Variants in LAMA5 observed in about 807,000 individuals in gnomAD.
LAMA5 encodes the protein laminin subunit alpha 5.
LAMA5 carries 260 observed loss-of-function variants against 433.4 expected under a neutral mutation model. The observed-to-expected ratio is 0.60, with a 90% CI of 0.54 to 0.66. The LOEUF (loss-of-function observed/expected upper bound fraction) is 0.66. LAMA5 is among the 30% of genes least tolerant of loss of function. The probability of loss-of-function intolerance (pLI) is 0.00; values close to 1 mark genes in which losing one functional copy is unlikely to be tolerated. For synonymous variants in LAMA5, 2,620 were observed against 2,226.6 expected (o/e 1.18, Z -4.97); for missense variants, 5,378 against 5,258.5 (o/e 1.02, Z -0.70).
intron 76 of LAMA5, 39 bp downstream of exon 76, chr20:62,310,380 C>T: frequency 6.4e-7 from 1 of 1,574,328 alleles, no homozygotes; most frequent in Non-Finnish European, 8.6e-7. Flanking sequence ...AGCCCCCTGC[C>T]CTGCCCTGCT....
chr20:62,338,325 G>T lies in LAMA5; in HGVS notation c.1663C>A (p.Pro555Thr), dbSNP rs1223682489. 1.9e-6 allele frequency: 3 copies of T among 1,608,186 alleles called. No homozygotes were observed. Among genetic ancestry groups the T allele is most frequent in the African/African-American group, 1.3e-5 (1 of 74,982 alleles). The change falls in exon 13 of 80, where the codon CCT becomes ACT. Residue 555 changes from proline (P) to threonine (T), a missense_variant. By Grantham distance (38) the Pro-to-Thr change is conservative. Coordinates refer to ENST00000252999, the MANE Select transcript of LAMA5 (RefSeq NM_005560.6). ...CGGCACCTGCACTGGCCTGTGTCAGGGTCACAGCGGTCATCGGCCACTCCA... is the reference window on the plus strand; with the variant it reads ...CGGCACCTGCACTGGCCTGTGTCAGTGTCACAGCGGTCATCGGCCACTCCA... The part of the protein sequence containing the change: ...SPGVADDRCD[P>T]DTGQCRCRVG...
chr20:62,328,911 A>G lies in LAMA5; in HGVS notation c.4380T>C (p.His1460=), dbSNP rs1392292031. 6 of 1,611,642 alleles carry G rather than the reference A, an allele frequency of 3.7e-6. No homozygotes were observed. The highest frequency in any genetic ancestry group is 5.1e-6 in the Non-Finnish European group (6 of 1,179,314). Residue 1460 remains histidine, a synonymous_variant, in exon 34 of 80, where the codon CAT becomes CAC. Coordinates refer to ENST00000252999, the MANE Select transcript of LAMA5 (RefSeq NM_005560.6). ...CEPFGGQCPC[H]AHVIGRDCSR... is the part of the protein sequence containing the mutation. ...AGCAGTCACGGCCAATGACATGGGC[A>G]TGGCAGGGACACTGGCCCCCGAAGG...
intron 2 of LAMA5, among the ~76,000 whole-genome samples, chr20:62,358,391 G>A (rs1367601876): frequency 6.6e-6 from 1 of 152,184 alleles, no homozygotes; most frequent in Non-Finnish European, 1.5e-5. Context: ...TGTCCCGGCC[G>A]CCGAGCTCTG....
Position 62,312,786 on chromosome 20 carries a change from G to A in LAMA5, c.9079-6C>T. The A allele has an allele frequency of 6.3e-7, 1 of 1,593,034 alleles. No homozygotes were observed. The highest frequency in any genetic ancestry group is 8.5e-7 in the Non-Finnish European group (1 of 1,173,150). On this transcript the variant is annotated splice_region_variant and splice_polypyrimidine_tract_variant and intron_variant, in intron 66 of 79. Transcript: ENST00000252999. ...CCCAGCAGGAACACCTGGATCTACA[G>A]GACCAGTGGGGGCTCCAGGGCCAGC...
rs148367593 is a variant in LAMA5, at chr20:62,334,301, C to A, written c.2624G>T (p.Arg875Leu). 6.2e-7 allele frequency: 1 copy of A among 1,610,942 alleles called. No individual in the cohort carries two copies. Among genetic ancestry groups the A allele is most frequent in the African/African-American group, 1.3e-5 (1 of 75,016 alleles). Residue 875 changes from arginine to leucine, a missense_variant, in exon 22 of 80, where the codon CGC becomes CTC. Arg to Leu is a moderately radical substitution (Grantham distance 102). Transcript: ENST00000252999. ...TGTGGCAGCCTCCTCCAGCTCCAGG[C>A]GCAGGTGGTGCAGGTCCGGGAGGTA... ...DHYLPDLHHL[R>L]LELEEAATPE...
intron 1 of LAMA5, 56 bp downstream of exon 1, chr20:62,366,893 G>T: frequency 8.1e-7 from 1 of 1,233,566 alleles, no homozygotes; most frequent in Non-Finnish European, 1.0e-6. Flanking sequence ...GGTCGGGCCG[G>T]TGTTCCGGGT....
intron 69 of LAMA5, 53 bp downstream of exon 69, chr20:62,312,120 C>G: frequency 6.2e-7 from 1 of 1,609,706 alleles, no homozygotes; most frequent in Non-Finnish European, 8.5e-7. Flanking sequence ...CCAGTCCCAA[C>G]TGCTCCGACG....
Position 62,336,410 on chromosome 20 carries a change from C to G in LAMA5, c.2253G>C (p.Glu751Asp). 1 of 1,612,640 alleles carries G rather than the reference C, an allele frequency of 6.2e-7. No individual in the cohort carries two copies. The highest frequency in any genetic ancestry group is 2.2e-5 in the East Asian group (1 of 44,882). ...GTTTGCAGCGGTCACAGCTCGGCCC[C>G]TCCACGTGAGCCCGGCACATACAGG... Reference protein sequence around the residue: ...QVPCMCRAHVEGPSCDRCKPG... With the variant: ...QVPCMCRAHVDGPSCDRCKPG... Residue 751 changes from glutamate to aspartate, a missense_variant, in exon 18 of 80, where the codon GAG becomes GAC. Glu to Asp is a conservative substitution (Grantham distance 45, BLOSUM62 2). Transcript: ENST00000252999.
intron 63 of LAMA5, 48 bp downstream of exon 63, chr20:62,313,601 C>A (rs950643849): frequency 1.2e-6 from 2 of 1,604,252 alleles, no homozygotes; most frequent in Non-Finnish European, 8.5e-7. Context: ...ACAAGCGACT[C>A]GGGGCTGCGG....
chr20:62,330,354 A>T, intron 31 of LAMA5, 134 bp downstream of exon 31: 1 of 1,266,410 alleles, frequency 7.9e-7, no homozygotes, highest in Non-Finnish European at 1.1e-6. Context: ...AAGGGCAGCT[A>T]GTTTGAGAAC....
chr20:62,312,817 C>A (rs1052208298), intron 66 of LAMA5, 37 bp from the exon 67 acceptor site: 18 of 1,600,794 alleles, frequency 1.1e-5, no homozygotes, highest in Non-Finnish European at 1.4e-5. Context: ...CCAGCTGTGT[C>A]CCTGCGGCCT....
At chr20:62,342,147 C>T (rs1982692331) in intron 11 of LAMA5, 1 of 199,328 alleles carries the variant, frequency 5.0e-6, no homozygotes, top group Non-Finnish European at 1.1e-5. Context: ...ACTAAAAATA[C>T]AAAAAATTGG....
intron 2 of LAMA5, among the ~76,000 whole-genome samples, chr20:62,357,627 G>A (rs999248062): frequency 6.6e-6 from 1 of 152,210 alleles, no homozygotes; most frequent in Non-Finnish European, 1.5e-5. Context: ...GACGTGGAGT[G>A]GAAAAGCCGG....
chr20:62,317,679 G>C lies in LAMA5; in HGVS notation c.7339C>G (p.Leu2447Val). 3 of 1,594,262 alleles carry C rather than the reference G, an allele frequency of 1.9e-6. No homozygotes were observed. Among genetic ancestry groups the C allele is most frequent in the Non-Finnish European group, 2.6e-6 (3 of 1,171,196 alleles). The change falls in exon 54 of 80, where the codon CTG (leucine) becomes GTG (valine). Residue 2447 changes from leucine (L) to valine (V), a missense_variant. Physicochemically the swap from Leu to Val is conservative, Grantham distance 32. Transcript: ENST00000252999. ...LASVFRLLHS[L>V]DQAKEELERL... ...GCACTCACCTCCTTAGCCTGGTCCA[G>C]GCTGTGCAGCAATCTGAAGACGCTG...
At chr20:62,320,713 G>A in intron 49 of LAMA5, 26 bp downstream of exon 49, 1 of 1,612,372 alleles carries the variant, frequency 6.2e-7, no homozygotes, top group Non-Finnish European at 8.5e-7. Context: ...CCCGGGTTGG[G>A]GAGGGAAGGC....
chr20:62,352,938 G>C, intron 3 of LAMA5, 196 bp downstream of exon 3: 1 of 525,748 alleles, frequency 1.9e-6, no homozygotes, highest in Non-Finnish European at 3.4e-6. Context: ...CCCTGGACTT[G>C]GCTGTGCCCG....
Position 62,336,334 on chromosome 20 carries a change from A to C in LAMA5, c.2323+6T>G. On this transcript the variant is annotated splice_donor_region_variant and intron_variant, in intron 18 of 79. Transcript: ENST00000252999. Reference sequence around the variant, plus strand: ...CCTGTACCCCAATACTCCAGGGCACACTCACGGGTACAGCCCTCGGGGTTG... The same window carrying C: ...CCTGTACCCCAATACTCCAGGGCACCCTCACGGGTACAGCCCTCGGGGTTG... 4 of 1,594,240 alleles carry C rather than the reference A, an allele frequency of 2.5e-6. No individual in the cohort carries two copies. Among genetic ancestry groups the C allele is most frequent in the Non-Finnish European group, 3.4e-6 (4 of 1,167,576 alleles).
intron 2 of LAMA5, among the ~76,000 whole-genome samples, chr20:62,354,635 C>T (rs1442369644): frequency 6.6e-6 from 1 of 152,096 alleles, no homozygotes; most frequent in Admixed American, 6.5e-5. Flanking sequence ...CAGGGGGGGT[C>T]CCGAGGCACA....
rs1398592606 is a variant in LAMA5, at chr20:62,316,903, C to T, written c.7632G>A (p.Gln2544=). The change falls in exon 56 of 80, where the codon CAG becomes CAA. Residue 2544 remains glutamine (Q), a synonymous_variant. Transcript: ENST00000252999. ...TCACCGCCCACGTGTGGTCCGCCTG[C>T]TGCAGGGCCTGGCCAGCAGCATCCT... ...AAEDAAGQAL[Q]QADHTWATVV... is the part of the protein sequence containing the mutation. The T allele has an allele frequency of 3.2e-6, 5 of 1,539,122 alleles. No individual in the cohort carries two copies. The African/African-American group carries it at 4.1e-5, about 13-fold the overall frequency.
Sources: allele counts gnomAD v4.1 joint callset (sites outside exome capture counted in the v4.1 genomes callset), GRCh38; gene constraint gnomAD v4.1.1; transcripts MANE v1.5; gene names NCBI Gene and HGNC (gene_info 2026-07-23, HGNC 2026-07-21).